The following MED25 variants were observed in gnomAD, a reference collection of about 807,000 sequenced individuals.
MED25 encodes the protein mediator complex subunit 25, also known as mediator of RNA polymerase II transcription subunit 25.
A neutral mutation model predicts 89.4 loss-of-function variants in MED25; 62 were observed. The ratio of observed to expected loss-of-function variants is 0.69; its 90% CI spans 0.57 to 0.86. The LOEUF is 0.86. MED25 is among the 40% of genes least tolerant of loss of function. The pLI, the probability that MED25 is intolerant of heterozygous loss-of-function variation, is 0.00. For synonymous variants in MED25, 449 were observed against 427.9 expected (o/e 1.05, Z -0.61); for missense variants, 905 against 1,005.2 (o/e 0.90, Z 1.35).
At chr19:49,832,201 A>C (rs2074062890) in intron 12 of MED25, 44 bp downstream of exon 12, 1 of 1,601,086 alleles carries the variant, frequency 6.2e-7, no homozygotes, top group Non-Finnish European at 8.5e-7. Context: ...GGCAGTCCTC[A>C]CCCTGCTGTC....
rs1248219304 is a variant in MED25 at position 49,831,381 on chromosome 19, C to G, written c.1150C>G (p.Leu384Val). 3 of 1,611,098 alleles carry G rather than the reference C, an allele frequency of 1.9e-6. No homozygotes were observed. The highest frequency in any genetic ancestry group is 1.7e-6 in the Non-Finnish European group (2 of 1,178,878). Residue 384 changes from leucine to valine, a missense_variant, in exon 10 of 18, where the codon CTG (leucine) becomes GTG (valine). This residue lies in a region of MED25 where 501 missense variants were observed against 526.9 expected (regional missense o/e 0.95). Coordinates refer to ENST00000312865, the MANE Select transcript of MED25 (RefSeq NM_030973.4). The surrounding 1 kb of genome is among the most constrained non-coding windows in gnomAD (Gnocchi z 5.0). ...GGTGAGCGGCCCTTCCCCAGCCCAG[C>G]TGGGAGCCCCAGCCCTCGGTGGGCA... is the stretch of plus-strand genomic sequence containing the variant. ...GGVSGPSPAQLGAPALGGQQS... is the reference protein window; with the variant it reads ...GGVSGPSPAQVGAPALGGQQS...
chr19:49,827,418 G>T (rs2074022856), intron 3 of MED25, among the ~76,000 whole-genome samples: 1 of 152,174 alleles, frequency 6.6e-6, no homozygotes. Flanking sequence ...CCAAAATCCA[G>T]GTGGTAGGGC....
chr19:49,818,581 G>T lies in MED25; in HGVS notation c.145G>T (p.Gly49Cys), dbSNP rs780112917. 8.1e-6 allele frequency: 13 copies of T among 1,614,050 alleles called. No homozygotes were observed. Among genetic ancestry groups the T allele is most frequent in the Middle Eastern group, 3.3e-4 (2 of 6,084 alleles). Reference protein sequence around the residue: ...YLLPAIEYFNGGPPAETDFGG... With the variant: ...YLLPAIEYFNCGPPAETDFGG... ...TTCCTACCCTCACAGGTATTTTAAT[G>T]GTGGTCCTCCTGCTGAGACGGACTT... The change falls in exon 2 of 18, where the codon GGT becomes TGT. Residue 49 changes from glycine to cysteine, a missense_variant. Coordinates refer to ENST00000312865, the MANE Select transcript of MED25 (RefSeq NM_030973.4).
intron 3 of MED25, among the ~76,000 whole-genome samples, chr19:49,823,578 G>A (rs775869434): frequency 5.9e-5 from 9 of 152,120 alleles, no homozygotes; most frequent in Non-Finnish European, 7.3e-5. Flanking sequence ...GCTGTGTGTC[G>A]CTTAGGGCCT....
rs374928221 is a variant in MED25, at chr19:49,832,310, C to A, written c.1377C>A (p.Thr459=). 3.1e-6 allele frequency: 5 copies of A among 1,602,594 alleles called. No homozygotes were observed. The Admixed American group carries it at 8.5e-5, about 27-fold the overall frequency. The change falls in exon 13 of 18, where the codon ACC becomes ACA. Residue 459 remains threonine (T), a splice_region_variant and synonymous_variant. Coordinates refer to ENST00000312865, the MANE Select transcript of MED25 (RefSeq NM_030973.4). ...GCCGACTTCTGTGTCTCCCGCAGAC[C>A]ACCCTGGGCCCTTTGTTCCGGAACT... ...IMQLIPQQLL[T]TLGPLFRNSR... is the part of the protein sequence containing the mutation.
In MED25 at chr19:49,828,441, C is replaced by G; in HGVS notation, c.306-8C>G. 1 of 1,609,072 alleles carries G rather than the reference C, an allele frequency of 6.2e-7. No homozygotes were observed. The highest frequency in any genetic ancestry group is 8.5e-7 in the Non-Finnish European group (1 of 1,175,536). ...CAACCCTGGGGGCTGACCGCTCTGC[C>G]CCTGCAGGTTCATGGGCGGGGGTGG... On this transcript the variant is annotated splice_region_variant and splice_polypyrimidine_tract_variant and intron_variant, in intron 3 of 17. Transcript: ENST00000312865.
At chr19:49,819,105 G>C (rs1369093819) in intron 2 of MED25, 67 bp from the exon 3 acceptor site, 1 of 1,595,162 alleles carries the variant, frequency 6.3e-7, no homozygotes, top group Non-Finnish European at 8.6e-7. Flanking sequence ...TGGGAGCCCT[G>C]ATTCCTTCTC....
chr19:49,830,706 C>T lies in MED25; in HGVS notation c.920C>T (p.Thr307Ile). 6.2e-7 allele frequency: 1 copy of T among 1,614,032 alleles called. No homozygotes were observed. Among genetic ancestry groups the T allele is most frequent in the Non-Finnish European group, 8.5e-7 (1 of 1,179,928 alleles). Reference protein sequence around the residue: ...AGLGPRFSPITPLQQAAPGVG... With the variant: ...AGLGPRFSPIIPLQQAAPGVG... ...GTCTCTCCCACAGTCTCGCCCATCA[C>T]CCCTCTCCAACAAGCTGCTCCCGGA... The change falls in exon 9 of 18, where the codon ACC becomes ATC. Residue 307 changes from threonine (T) to isoleucine (I), a missense_variant. Thr to Ile is a moderately conservative substitution (Grantham distance 89). Around this residue, in one of 3 missense-constraint regions of MED25, gnomAD observed 501 missense variants for 526.9 expected, o/e 0.95. Coordinates refer to ENST00000312865, the MANE Select transcript of MED25 (RefSeq NM_030973.4). The surrounding 1 kb of genome is among the most constrained non-coding windows in gnomAD (Gnocchi z 4.6).
rs1437616865 is a variant in MED25, at chr19:49,836,715, T to A, written c.2147-132T>A. On this transcript the variant is annotated intron_variant, in intron 17 of 17. Coordinates refer to ENST00000312865, the MANE Select transcript of MED25 (RefSeq NM_030973.4). The surrounding 1 kb of genome is among the most constrained non-coding windows in gnomAD (Gnocchi z 5.1). Reference sequence around the variant, plus strand: ...CAAAGGCTCATGGGAAACAGCATATTTGTAACTAGATGGGGCCAGAAGGTG... The same window carrying A: ...CAAAGGCTCATGGGAAACAGCATATATGTAACTAGATGGGGCCAGAAGGTG... 5.2e-6 allele frequency: 4 copies of A among 769,730 alleles called. No homozygotes were observed. The allele number at this position is 769,730 out of a possible 1,614,324, so 47.7% of individuals were successfully genotyped here.
At position 49,836,415 on chromosome 19, in the gene MED25, A is replaced by AC; in HGVS notation, c.2146+12dup. 1.3e-6 allele frequency: 2 copies of AC among 1,580,280 alleles called. No homozygotes were observed. The highest frequency in any genetic ancestry group is 1.7e-6 in the Non-Finnish European group (2 of 1,162,772). On this transcript the variant is annotated intron_variant, in intron 17 of 17. Coordinates refer to ENST00000312865, the MANE Select transcript of MED25 (RefSeq NM_030973.4). This position sits in a 1 kb window ranked among gnomAD's most constrained non-coding sequence, Gnocchi z 5.1. ...TCGGGCTCCACTGCCAGGTAAGGGG[A>AC]CCCGGGGGAGGGCAGAGGTCTGGAC... is the stretch of plus-strand genomic sequence containing the variant.
At chr19:49,828,882 A>T in intron 4 of MED25, 88 bp from the exon 5 acceptor site, 1 of 1,587,760 alleles carries the variant, frequency 6.3e-7, no homozygotes. Context: ...GTGAGGCGGA[A>T]TATGTGCATC....
Position 49,830,081 on chromosome 19 carries a change from C to T in MED25, c.689-7C>T, listed in dbSNP as rs1196203129. On this transcript the variant is annotated splice_polypyrimidine_tract_variant and splice_region_variant and intron_variant, in intron 6 of 17. Coordinates refer to ENST00000312865, the MANE Select transcript of MED25 (RefSeq NM_030973.4). This position sits in a 1 kb window ranked among gnomAD's most constrained non-coding sequence, Gnocchi z 4.6. ...TCTCTGGGGTTGGCCATCCCTCCTGCTCTCAGTTGGGGGTGGCTCAGCCCC... is the reference window on the plus strand; with the variant it reads ...TCTCTGGGGTTGGCCATCCCTCCTGTTCTCAGTTGGGGGTGGCTCAGCCCC... The T allele has an allele frequency of 3.1e-6, 5 of 1,605,340 alleles. No homozygotes were observed. The highest frequency in any genetic ancestry group is 2.7e-5 in the African/African-American group (2 of 74,808).
chr19:49,824,385 T>A (rs2074001737), intron 3 of MED25, among the ~76,000 whole-genome samples: 1 of 152,092 alleles, frequency 6.6e-6, no homozygotes, highest in African/African-American at 2.4e-5. Context: ...GGAGACTGGC[T>A]GAATAAATGA....
chr19:49,830,918 C>CCTTCCTCCTGCCCCTGCTA lies in MED25; in HGVS notation c.1101+42_1101+43insCCCTGCTACTTCCTCCTGC. 1 of 1,595,996 alleles carries CCTTCCTCCTGCCCCTGCTA rather than the reference C, an allele frequency of 6.3e-7. No individual in the cohort carries two copies. The highest frequency in any genetic ancestry group is 8.5e-7 in the Non-Finnish European group (1 of 1,172,964). On this transcript the variant is annotated intron_variant, in intron 9 of 17. Coordinates refer to ENST00000312865, the MANE Select transcript of MED25 (RefSeq NM_030973.4). The surrounding 1 kb of genome is among the most constrained non-coding windows in gnomAD (Gnocchi z 4.6). ...TGCCTGCACGCCTCCTGCCCCTGCTCCTTCCTCCTGCTGTCCACAGCTAGG... is the reference window on the plus strand; with the variant it reads ...TGCCTGCACGCCTCCTGCCCCTGCTCCTTCCTCCTGCCCCTGCTACTTCCTCCTGCTGTCCACAGCTAGG...
At chr19:49,840,327 T>C (rs896219157), downstream of MED25, 3 of 152,248 alleles carry the variant, frequency 2.0e-5, no homozygotes, top group Non-Finnish European at 4.4e-5. Context: ...GTAACATCCA[T>C]GTTTGTATTA....
In MED25 at chr19:49,819,188, A is replaced by AC. The variant is rs2073963727; in HGVS notation, c.198dup (p.Ser67GlnfsTer27). 1 of 1,614,088 alleles carries AC rather than the reference A, an allele frequency of 6.2e-7. No homozygotes were observed. The highest frequency in any genetic ancestry group is 1.3e-5 in the African/African-American group (1 of 74,940). On this transcript the variant is annotated frameshift_variant, in exon 3 of 18. Transcript: ENST00000312865. LOFTEE classifies it high-confidence loss of function. ...CCCTCCCAGTATGGGGGGACCCAGT[A>AC]CAGCCTCGTGGTGTTCAACACAGTG...
chr19:49,835,656 T>C lies in MED25; in HGVS notation c.1746+51T>C. Reference sequence around the variant, plus strand: ...GGCTGGGTTGGGGAGGCCCCAAGGCTGCGCTCTGTGCCTGCAGAAGGGGCG... The same window carrying C: ...GGCTGGGTTGGGGAGGCCCCAAGGCCGCGCTCTGTGCCTGCAGAAGGGGCG... On this transcript the variant is annotated intron_variant, in intron 15 of 17. Transcript: ENST00000312865. The surrounding 1 kb of genome is among the most constrained non-coding windows in gnomAD (Gnocchi z 6.2). The C allele has an allele frequency of 6.4e-6, 10 of 1,566,026 alleles. No individual in the cohort carries two copies. The highest frequency in any genetic ancestry group is 8.7e-6 in the Non-Finnish European group (10 of 1,155,894).
chr19:49,835,538 G>C lies in MED25; in HGVS notation c.1679G>C (p.Gly560Ala). 1.9e-6 allele frequency: 3 copies of C among 1,558,898 alleles called. No homozygotes were observed. The highest frequency in any genetic ancestry group is 2.6e-6 in the Non-Finnish European group (3 of 1,152,130). ...TGCCCCTCTCTCCCCGTGCAGATGGGGGGACAGCAGGCACCCCCAGGGCTG... is the reference window on the plus strand; with the variant it reads ...TGCCCCTCTCTCCCCGTGCAGATGGCGGGACAGCAGGCACCCCCAGGGCTG... ...QKLEQQQRGM[G>A]GQQAPPGLGP... Residue 560 changes from glycine (G) to alanine (A), a missense_variant, in exon 15 of 18, where the codon GGG becomes GCG. By Grantham distance (60) the Gly-to-Ala change is moderately conservative (BLOSUM62 0). This residue lies in a region of MED25 where 271 missense variants were observed against 258.1 expected (regional missense o/e 1.05). Transcript: ENST00000312865. The surrounding 1 kb of genome is among the most constrained non-coding windows in gnomAD (Gnocchi z 6.2).
At chr19:49,822,858 G>A (rs531837047) in intron 3 of MED25, among the ~76,000 whole-genome samples, 10 of 151,732 alleles carry the variant, frequency 6.6e-5, no homozygotes, top group Admixed American at 3.3e-4. Context: ...TGTGTTAGCC[G>A]GGATGGTCTC....
Sources: gnomAD v4.1 joint callset for allele counts (sites outside exome capture counted in the v4.1 genomes callset) on GRCh38, gnomAD v4.1.1 for gene constraint, gnomAD v4.1.1 regional missense constraint, Gnocchi (gnomAD v3.1) non-coding constraint, MANE v1.5 for transcripts, NCBI Gene and HGNC (gene_info 2026-07-23, HGNC 2026-07-21) for gene names.